Variants in FGFR2 observed in about 807,000 individuals in gnomAD.
FGFR2 encodes fibroblast growth factor receptor 2.
In FGFR2, 19 loss-of-function variants were observed where a neutral mutation model predicts 95.9. That is an observed-to-expected ratio of 0.20 (90% CI 0.14 to 0.29). The LOEUF is 0.29. Ranked by LOEUF, FGFR2 falls within the 10% of genes least tolerant of loss-of-function variation. FGFR2 has a pLI of 1.00. For missense variants in FGFR2, 707 were observed against 1,056.9 expected (o/e 0.67, Z 4.59); for synonymous variants, 392 against 393.3 (o/e 1.00, Z 0.04).
In FGFR2 at chr10:121,565,557, A is replaced by C. The variant is rs1857549548; in HGVS notation, c.257T>G (p.Val86Gly). ...TATCTGCAAGTACTCCCCAATAAGCACTGTCCTATTGTTGGGCCCCAAGTG... is the reference window on the plus strand; with the variant it reads ...TATCTGCAAGTACTCCCCAATAAGCCCTGTCCTATTGTTGGGCCCCAAGTG... Reference protein sequence around the residue: ...GVHLGPNNRTVLIGEYLQIKG... With the variant: ...GVHLGPNNRTGLIGEYLQIKG... Residue 86 changes from valine to glycine, a missense_variant, in exon 3 of 18, where the codon GTG (valine) becomes GGG (glycine). Physicochemically the swap from Val to Gly is moderately radical, Grantham distance 109 (BLOSUM62 -3). This residue lies in a region of FGFR2 where 178 missense variants were observed against 194.1 expected (regional missense o/e 0.92). Coordinates refer to ENST00000358487, the MANE Select transcript of FGFR2 (RefSeq NM_000141.5). The C allele has an allele frequency of 1.9e-6, 3 of 1,614,118 alleles. No homozygotes were observed. Among genetic ancestry groups the C allele is most frequent in the African/African-American group, 2.7e-5 (2 of 75,044 alleles).
chr10:121,480,380 C>T (rs1388030222), intron 17 of FGFR2: 25 of 397,404 alleles, frequency 6.3e-5, no homozygotes, highest in South Asian at 1.6e-4. Context: ...CTCGGCTTCA[C>T]ACGGACCTAA....
At chr10:121,583,025 C>A (rs545453845) in intron 2 of FGFR2, among the ~76,000 whole-genome samples, 149 of 152,264 alleles carry the variant, frequency 9.8e-4, no homozygotes, top group Non-Finnish European at 1.8e-3. Context: ...CATTCCCTGG[C>A]CTCTTTTTTT....
intron 14 of FGFR2, among the ~76,000 whole-genome samples, chr10:121,487,720 C>T (rs1406639250): frequency 6.6e-6 from 1 of 152,180 alleles, no homozygotes; most frequent in Non-Finnish European, 1.5e-5. Context: ...GTAGTTTTTG[C>T]TATGAAAGTT....
Position 121,551,586 on chromosome 10 carries a change from A to G in FGFR2, c.455-127T>C, listed in dbSNP as rs1855419146. ...AGGCTATTTTTTAAATCTTTGGGTA[A>G]TATTTACATTTGGAAAATATTTTCA... is the stretch of plus-strand genomic sequence containing the variant. On this transcript the variant is annotated intron_variant, in intron 4 of 17. Transcript: ENST00000358487. 4 of 885,170 alleles carry G rather than the reference A, an allele frequency of 4.5e-6. No individual in the cohort carries two copies. In the East Asian group the frequency reaches 1.0e-4, roughly 23 times the overall value. The allele number at this position is 885,170 out of a possible 1,614,324, so 54.8% of individuals were successfully genotyped here. A position where few individuals can be genotyped will look rare whatever the true frequency, so the allele number is the denominator to read the frequency against.
Position 121,564,502 on chromosome 10 carries a change from T to G in FGFR2, c.454A>C (p.Arg152=). Residue 152 remains arginine, a splice_region_variant and synonymous_variant, in exon 4 of 18, where the codon AGA becomes CGA. Transcript: ENST00000358487. ...CCATCGGAGCCGGGCAGTTACTTAC[T>G]CTTGTTGTTACTGTTCTCACTGACA... ...DFVSENSNNK[R]APYWTNTEKM... is the part of the protein sequence containing the mutation. 6.2e-7 allele frequency: 1 copy of G among 1,613,720 alleles called. No individual in the cohort carries two copies. The highest frequency in any genetic ancestry group is 8.5e-7 in the Non-Finnish European group (1 of 1,179,762).
Position 121,488,640 on chromosome 10 carries a change from C to T in FGFR2, c.1864-527G>A, listed in dbSNP as rs528246277. Among the ~76,000 whole-genome samples the T allele has an allele frequency of 2.6e-5, 4 of 151,750 alleles. No individual in the cohort carries two copies. The East Asian group carries it at 5.8e-4, about 22-fold the overall frequency. ...TGGGATCATCGGAGAGCCTGGATCA[C>T]GACATGTATTTGTTTTGGAATTATA... On this transcript the variant is annotated intron_variant, in intron 13 of 17. Coordinates refer to ENST00000358487, the MANE Select transcript of FGFR2 (RefSeq NM_000141.5).
At chr10:121,558,260 C>T (rs776895354) in intron 4 of FGFR2, among the ~76,000 whole-genome samples, 2 of 152,184 alleles carry the variant, frequency 1.3e-5, no homozygotes, top group East Asian at 1.9e-4. Flanking sequence ...CTTTTCTATG[C>T]GAAAGGATAA....
At chr10:121,537,879 C>T (rs1853089846) in intron 6 of FGFR2, 1 of 161,596 alleles carries the variant, frequency 6.2e-6, no homozygotes, top group Non-Finnish European at 1.4e-5. Context: ...ACACAGAAAC[C>T]TCCTTTCTTC....
At chr10:121,483,412 C>T (rs1323125610) in intron 17 of FGFR2, among the ~76,000 whole-genome samples, 2 of 152,204 alleles carry the variant, frequency 1.3e-5, no homozygotes, top group East Asian at 1.9e-4. Context: ...CTTCCCCTTT[C>T]CCACTCTCCC....
At chr10:121,512,782 G>A (rs3135766) in intron 9 of FGFR2, among the ~76,000 whole-genome samples, 71,666 of 152,012 alleles carry the variant, frequency 0.47, 18,983 homozygotes, top group East Asian at 0.75. Flanking sequence ...ATAAATAAAG[G>A]AAGGAGGGAA....
Position 121,479,850 on chromosome 10 carries a change from C to CAGT in FGFR2, c.*4_*6dup, listed in dbSNP as rs747773151. 1.2e-6 allele frequency: 2 copies of CAGT among 1,614,018 alleles called. No homozygotes were observed. Among genetic ancestry groups the CAGT allele is most frequent in the African/African-American group, 2.7e-5 (2 of 74,908 alleles). On this transcript the variant is annotated 3_prime_UTR_variant, in exon 18 of 18. Coordinates refer to ENST00000358487, the MANE Select transcript of FGFR2 (RefSeq NM_000141.5). ...TGTCCTGTTTGGGGACAGGCAGACA[C>CAGT]AGTCATTCATGTTTTAACACTGCCG... is the stretch of plus-strand genomic sequence containing the variant.
At chr10:121,574,149 T>C (rs981051956) in intron 2 of FGFR2, among the ~76,000 whole-genome samples, 17 of 152,258 alleles carry the variant, frequency 1.1e-4, no homozygotes, top group African/African-American at 3.4e-4. Context: ...TTCTGCAAGA[T>C]AGGGTTTCTG....
chr10:121,514,975 G>T, intron 9 of FGFR2, 142 bp downstream of exon 9: 1 of 780,844 alleles, frequency 1.3e-6, no homozygotes, highest in Non-Finnish European at 2.1e-6. Context: ...AACACTAACT[G>T]GGTGACCGCC....
At chr10:121,524,657 C>T (rs771716310) in intron 6 of FGFR2, among the ~76,000 whole-genome samples, 3 of 152,184 alleles carry the variant, frequency 2.0e-5, no homozygotes, top group Non-Finnish European at 4.4e-5. Flanking sequence ...TGGATGACAG[C>T]GCCTGGACTC....
At chr10:121,577,178 T>TATATAGAGAGAGAGAGAGAGAG in intron 2 of FGFR2, among the ~76,000 whole-genome samples, 10 of 5,208 alleles carry the variant, frequency 1.9e-3, no homozygotes, top group African/African-American at 3.9e-3. Flanking sequence ...TATATATATA[T>TATATAGAGAGAGAGAGAGAGAG]AGAGAGAGAG....
At chr10:121,541,994 A>G (rs1853831184) in intron 5 of FGFR2, among the ~76,000 whole-genome samples, 1 of 152,218 alleles carries the variant, frequency 6.6e-6, no homozygotes, top group Non-Finnish European at 1.5e-5. Flanking sequence ...TAAGAGCAAA[A>G]AACTGTCAAG....
At chr10:121,532,685 C>G (rs1427544798) in intron 6 of FGFR2, among the ~76,000 whole-genome samples, 1 of 152,158 alleles carries the variant, frequency 6.6e-6, no homozygotes, top group Non-Finnish European at 1.5e-5. Flanking sequence ...AAGCAGTCAA[C>G]AATTTCAGCC....
chr10:121,528,953 G>A (rs1851739491), intron 6 of FGFR2, among the ~76,000 whole-genome samples: 1 of 152,150 alleles, frequency 6.6e-6, no homozygotes, highest in Non-Finnish European at 1.5e-5. Flanking sequence ...TTGAGATGGA[G>A]TCTCGCTCTG....
intron 5 of FGFR2, among the ~76,000 whole-genome samples, chr10:121,543,717 T>C (rs987407231): frequency 6.6e-5 from 10 of 152,100 alleles, no homozygotes; most frequent in African/African-American, 9.7e-5. Flanking sequence ...AACTCCAACA[T>C]TGATACAAGA....
Sources: allele counts gnomAD v4.1 joint callset (sites outside exome capture counted in the v4.1 genomes callset), GRCh38; gene constraint gnomAD v4.1.1; regional missense constraint gnomAD v4.1.1; transcripts MANE v1.5; gene names NCBI Gene and HGNC (gene_info 2026-07-23, HGNC 2026-07-21).